FHIP1A: variants seen among roughly 807,000 people sequenced by gnomAD.
FHIP1A encodes FHF complex subunit HOOK interacting protein 1A.
In FHIP1A, 61 loss-of-function variants were observed where a neutral mutation model predicts 88.6. That is an observed-to-expected ratio of 0.69 (90% CI 0.56 to 0.85). FHIP1A has a LOEUF of 0.85. FHIP1A is among the 40% of genes least tolerant of loss of function. The pLI, the probability that FHIP1A is intolerant of heterozygous loss-of-function variation, is 0.00. For missense variants in FHIP1A, 1,154 were observed against 1,273.5 expected (o/e 0.91, Z 1.43); for synonymous variants, 478 against 496.0 (o/e 0.96, Z 0.48).
intron 4 of FHIP1A, 142 bp from the exon 5 acceptor site, chr4:151,577,302 GACACAC>G (rs144415896): frequency 1.8e-5 from 11 of 599,028 alleles, no homozygotes; most frequent in Non-Finnish European, 2.9e-5. Flanking sequence ...TTGAGAGGGA[GACACAC>G]ACACACACAC....
chr4:151,498,590 C>T (rs909570398), intron 3 of FHIP1A, among the ~76,000 whole-genome samples: 19 of 152,174 alleles, frequency 1.2e-4, no homozygotes, highest in African/African-American at 3.1e-4. Context: ...CCGAGGTGGG[C>T]GGATCACGAG....
At chr4:151,536,708 A>G (rs577082343) in intron 3 of FHIP1A, among the ~76,000 whole-genome samples, 1 of 152,232 alleles carries the variant, frequency 6.6e-6, no homozygotes, top group Non-Finnish European at 1.5e-5. Context: ...TCATTTACCT[A>G]TTGAAGGATA....
intron 3 of FHIP1A, among the ~76,000 whole-genome samples, chr4:151,522,993 A>G (rs1372268099): frequency 6.6e-6 from 1 of 152,182 alleles, no homozygotes; most frequent in Non-Finnish European, 1.5e-5. Flanking sequence ...AATGAACATG[A>G]TCATTTATAC....
At chr4:151,617,938 T>G (rs1735604772) in intron 7 of FHIP1A, among the ~76,000 whole-genome samples, 1 of 152,178 alleles carries the variant, frequency 6.6e-6, no homozygotes, top group Non-Finnish European at 1.5e-5. Context: ...AGCACTGCTG[T>G]GGGCAGAAGC....
intron 10 of FHIP1A, among the ~76,000 whole-genome samples, chr4:151,649,025 A>C (rs1736896661): frequency 6.6e-6 from 1 of 152,146 alleles, no homozygotes; most frequent in Non-Finnish European, 1.5e-5. Flanking sequence ...TTTTTCTACA[A>C]AACGTCTGGT....
chr4:151,497,562 C>A (rs1730506465), intron 3 of FHIP1A, among the ~76,000 whole-genome samples: 1 of 152,168 alleles, frequency 6.6e-6, no homozygotes, highest in South Asian at 2.1e-4. Context: ...TTGTCACAAC[C>A]AGGGGTGATT....
At chr4:151,516,335 A>T (rs1385373348) in intron 3 of FHIP1A, among the ~76,000 whole-genome samples, 1 of 151,872 alleles carries the variant, frequency 6.6e-6, no homozygotes, top group Non-Finnish European at 1.5e-5. Flanking sequence ...TTAGACCTAA[A>T]ACCATAAAAA....
intron 4 of FHIP1A, among the ~76,000 whole-genome samples, chr4:151,567,057 A>G (rs17027710): frequency 0.034 from 5,148 of 152,216 alleles, 297 homozygotes; most frequent in African/African-American, 0.12. Flanking sequence ...CTTCATTACA[A>G]AGTGATTATA....
intron 7 of FHIP1A, among the ~76,000 whole-genome samples, chr4:151,601,293 G>C (rs1157049674): frequency 6.6e-6 from 1 of 152,094 alleles, no homozygotes; most frequent in Non-Finnish European, 1.5e-5. Flanking sequence ...GGTCTACTGG[G>C]GGGGCATAGG....
intron 8 of FHIP1A, among the ~76,000 whole-genome samples, chr4:151,636,365 A>G (rs997126409): frequency 2.6e-5 from 4 of 152,004 alleles, no homozygotes; most frequent in Non-Finnish European, 5.9e-5. Context: ...AGAAGGTAAG[A>G]TATCTTCTCT....
chr4:151,584,965 G>A (rs1163404017), intron 5 of FHIP1A, among the ~76,000 whole-genome samples: 1 of 152,058 alleles, frequency 6.6e-6, no homozygotes, highest in African/African-American at 2.4e-5. Flanking sequence ...AGAGTCTTTT[G>A]TAAATCCACA....
At chr4:151,505,136 G>A (rs545510655) in intron 3 of FHIP1A, among the ~76,000 whole-genome samples, 15 of 152,134 alleles carry the variant, frequency 9.9e-5, no homozygotes, top group African/African-American at 3.4e-4. Flanking sequence ...AAACGTAAAT[G>A]TCTTACCCAC....
At chr4:151,586,820 A>G (rs1734235396) in intron 6 of FHIP1A, 21 bp downstream of exon 6, 1 of 1,514,758 alleles carries the variant, frequency 6.6e-7, no homozygotes, top group African/African-American at 1.4e-5. Flanking sequence ...ACAATAAAGG[A>G]TCCCTTTGCT....
intron 7 of FHIP1A, among the ~76,000 whole-genome samples, chr4:151,616,447 T>TA (rs1438269553): frequency 7.2e-6 from 1 of 138,074 alleles, no homozygotes; most frequent in Non-Finnish European, 1.6e-5. Context: ...TTTCTTTCTT[T>TA]TTTTTTTTTT....
intron 3 of FHIP1A, among the ~76,000 whole-genome samples, chr4:151,548,896 C>A (rs1382795428): frequency 6.6e-6 from 1 of 152,224 alleles, no homozygotes; most frequent in Non-Finnish European, 1.5e-5. Flanking sequence ...CTCAGCAAGG[C>A]AACTTTTACT....
chr4:151,593,545 C>T (rs539343586), intron 7 of FHIP1A, among the ~76,000 whole-genome samples: 1 of 152,212 alleles, frequency 6.6e-6, no homozygotes, highest in South Asian at 2.1e-4. Flanking sequence ...GGAGTTCACT[C>T]ATAATTTGGT....
intron 8 of FHIP1A, among the ~76,000 whole-genome samples, chr4:151,630,497 A>C (rs1736116721): frequency 6.6e-6 from 1 of 152,208 alleles, no homozygotes; most frequent in Non-Finnish European, 1.5e-5. Flanking sequence ...GAGGGAATAG[A>C]CTTATATAGG....
chr4:151,534,295 T>G (rs1731986984), intron 3 of FHIP1A, among the ~76,000 whole-genome samples: 1 of 152,276 alleles, frequency 6.6e-6, no homozygotes, highest in East Asian at 1.9e-4. Flanking sequence ...ATGTTACTTA[T>G]AATAGAAACA....
intron 1 of FHIP1A, among the ~76,000 whole-genome samples, chr4:151,438,605 C>CTTTTTTTTTT (rs200467402): frequency 7.5e-6 from 1 of 132,462 alleles, no homozygotes. Flanking sequence ...CGGTTTTTGC[C>CTTTTTTTTTT]TTTTTTTTTT....
Sources: gnomAD v4.1 joint callset for allele counts (sites outside exome capture counted in the v4.1 genomes callset) on GRCh38, gnomAD v4.1.1 for gene constraint, MANE v1.5 for transcripts, NCBI Gene and HGNC (gene_info 2026-07-23, HGNC 2026-07-21) for gene names.